The following RFC1 variants were observed in gnomAD, a reference collection of about 807,000 sequenced individuals.
RFC1 encodes A1 140 kDa subunit.
A neutral mutation model predicts 137.4 loss-of-function variants in RFC1; 37 were observed. That is an observed-to-expected ratio of 0.27 (90% CI 0.21 to 0.35). The LOEUF is 0.35. Ranked by LOEUF, RFC1 falls within the 10% of genes least tolerant of loss-of-function variation. The pLI, the probability that RFC1 is intolerant of heterozygous loss-of-function variation, is 1.00. For synonymous variants in RFC1, 429 were observed against 455.7 expected (o/e 0.94, Z 0.75); for missense variants, 1,205 against 1,358.5 (o/e 0.89, Z 1.78).
chr4:39,316,618 G>A (rs1739253174), intron 10 of RFC1, among the ~76,000 whole-genome samples: 1 of 152,012 alleles, frequency 6.6e-6, no homozygotes, highest in Non-Finnish European at 1.5e-5. Flanking sequence ...TTTATTTAAT[G>A]TCTCTTTCTT....
At chr4:39,344,005 C>T (rs1047632908) in intron 3 of RFC1, among the ~76,000 whole-genome samples, 6 of 151,604 alleles carry the variant, frequency 4.0e-5, no homozygotes, top group African/African-American at 1.5e-4. Flanking sequence ...TCCCAGCTAC[C>T]TGGGAGGCTG....
At chr4:39,310,859 T>C (rs1401396231) in intron 12 of RFC1, among the ~76,000 whole-genome samples, 1 of 152,150 alleles carries the variant, frequency 6.6e-6, no homozygotes, top group African/African-American at 2.4e-5. Context: ...CGTGAGAATA[T>C]GGCCGGGAAC....
chr4:39,354,749 CAAAAAAAAAAAAA>C (rs34342477), intron 1 of RFC1, among the ~76,000 whole-genome samples: 4 of 51,008 alleles, frequency 7.8e-5, no homozygotes, highest in Admixed American at 2.5e-4. Context: ...GAAACTATCT[CAAAAAAAAAAAAA>C]AAAAAAAAAA....
intron 4 of RFC1, among the ~76,000 whole-genome samples, chr4:39,328,899 G>GT: frequency 6.6e-6 from 1 of 152,016 alleles, no homozygotes; most frequent in East Asian, 1.9e-4. Flanking sequence ...TGCAGAGGTA[G>GT]TAAGTTGTCA....
chr4:39,292,059 A>T (rs1313471356), intron 22 of RFC1: 1 of 522,212 alleles, frequency 1.9e-6, no homozygotes, highest in Non-Finnish European at 3.4e-6. Context: ...ATGTGCCCAA[A>T]GGAAATTTTC....
At chr4:39,299,795 G>C (rs1032762824) in intron 21 of RFC1, among the ~76,000 whole-genome samples, 1 of 151,952 alleles carries the variant, frequency 6.6e-6, no homozygotes. Flanking sequence ...GGCACCTGTA[G>C]TCCCAGCTAC....
At chr4:39,355,449 C>A (rs1741426547) in intron 1 of RFC1, among the ~76,000 whole-genome samples, 1 of 151,226 alleles carries the variant, frequency 6.6e-6, no homozygotes, top group South Asian at 2.1e-4. Flanking sequence ...CACACACACA[C>A]AAAACTTGTA....
intron 1 of RFC1, among the ~76,000 whole-genome samples, chr4:39,359,682 C>T (rs1741652079): frequency 6.6e-6 from 1 of 151,924 alleles, no homozygotes; most frequent in African/African-American, 2.4e-5. Context: ...ATTAGCCAGG[C>T]ATGGTGGCGG....
At chr4:39,335,046 CAG>C (rs1392603356) in intron 4 of RFC1, among the ~76,000 whole-genome samples, 6 of 152,154 alleles carry the variant, frequency 3.9e-5, no homozygotes. Flanking sequence ...CCTTTCCAAA[CAG>C]ATCTCTGAAT....
chr4:39,300,975 C>T (rs1337078306), intron 19 of RFC1, among the ~76,000 whole-genome samples: 2 of 151,808 alleles, frequency 1.3e-5, no homozygotes, highest in South Asian at 2.1e-4. Context: ...TGCCTGTAAC[C>T]CGAGCTACTC....
At chr4:39,330,179 T>C (rs1740028290) in intron 4 of RFC1, among the ~76,000 whole-genome samples, 1 of 152,112 alleles carries the variant, frequency 6.6e-6, no homozygotes, top group East Asian at 1.9e-4. Context: ...CATTCAACTA[T>C]GAACATTTGC....
At chr4:39,365,355 T>G in intron 1 of RFC1, 1 of 566,146 alleles carries the variant, frequency 1.8e-6, no homozygotes, top group Non-Finnish European at 2.2e-6. Flanking sequence ...CGTTGACCAA[T>G]GATTGAAAAA....
At chr4:39,312,173 C>T (rs1738990928) in intron 11 of RFC1, among the ~76,000 whole-genome samples, 1 of 152,170 alleles carries the variant, frequency 6.6e-6, no homozygotes, top group South Asian at 2.1e-4. Flanking sequence ...ATTTAAATGC[C>T]TAGAGCTGCA....
At chr4:39,317,407 T>G (rs1430820883) in intron 9 of RFC1, among the ~76,000 whole-genome samples, 1 of 152,354 alleles carries the variant, frequency 6.6e-6, no homozygotes, top group Non-Finnish European at 1.5e-5. Context: ...CAAGTAAACC[T>G]GATCGCCCGA....
intron 4 of RFC1, among the ~76,000 whole-genome samples, chr4:39,328,723 T>C (rs1403149337): frequency 1.3e-5 from 2 of 152,174 alleles, no homozygotes; most frequent in African/African-American, 4.8e-5. Flanking sequence ...GTCTTTATTA[T>C]AGAACGGGAA....
intron 7 of RFC1, chr4:39,321,817 C>T (rs1422592640): frequency 6.5e-6 from 1 of 154,734 alleles, no homozygotes; most frequent in Non-Finnish European, 1.4e-5. Context: ...TCCTTCAAAA[C>T]TCCATTTTAT....
At position 39,331,513 on chromosome 4, in the gene RFC1, C is replaced by T. The variant is rs111455876; in HGVS notation, c.332-3757G>A. Among the ~76,000 whole-genome samples the T allele has an allele frequency of 4.9e-3, 753 of 152,134 alleles. 1 individual carries two copies. The highest frequency in any genetic ancestry group is 0.017 in the African/African-American group (718 of 41,510). ...TAAATGACCACGTAGGCAAAGATGGCCTCAACAACCATAACAATGGCAGTA... is the reference window on the plus strand; with the variant it reads ...TAAATGACCACGTAGGCAAAGATGGTCTCAACAACCATAACAATGGCAGTA... On this transcript the variant is annotated intron_variant, in intron 4 of 24. Transcript: ENST00000349703.
At chr4:39,364,700 C>T (rs941865987) in intron 1 of RFC1, among the ~76,000 whole-genome samples, 3 of 152,136 alleles carry the variant, frequency 2.0e-5, no homozygotes, top group African/African-American at 7.2e-5. Context: ...ACATGCCAGG[C>T]ACCAGAACCA....
intron 17 of RFC1, 64 bp from the exon 18 acceptor site, chr4:39,302,659 T>C: frequency 6.7e-7 from 1 of 1,501,994 alleles, no homozygotes; most frequent in Non-Finnish European, 9.0e-7. Flanking sequence ...ATTTTAAAAA[T>C]ATTTATCAGG....
Sources: allele counts gnomAD v4.1 joint callset (sites outside exome capture counted in the v4.1 genomes callset), GRCh38; gene constraint gnomAD v4.1.1; transcripts MANE v1.5; gene names NCBI Gene and HGNC (gene_info 2026-07-23, HGNC 2026-07-21).